Variants in LDB2 observed in about 807,000 individuals in gnomAD.
The protein encoded by LDB2 is LIM domain binding 2.
LDB2 carries 12 observed loss-of-function variants against 44.3 expected under a neutral mutation model. The ratio of observed to expected loss-of-function variants is 0.27; its 90% CI spans 0.17 to 0.44. The LOEUF (loss-of-function observed/expected upper bound fraction) is 0.44. Ranked by LOEUF, LDB2 falls within the 20% of genes least tolerant of loss-of-function variation. The pLI is 1.00. For missense variants in LDB2, 344 were observed against 473.5 expected (o/e 0.73, Z 2.54); for synonymous variants, 164 against 174.8 (o/e 0.94, Z 0.49).
chr4:16,688,354 G>T (rs1749768966), intron 2 of LDB2, among the ~76,000 whole-genome samples: 1 of 152,202 alleles, frequency 6.6e-6, no homozygotes, highest in Non-Finnish European at 1.5e-5. Flanking sequence ...CAGCCTCCCA[G>T]GCCCTCATGT....
intron 2 of LDB2, among the ~76,000 whole-genome samples, chr4:16,717,734 C>T (rs79651911): frequency 0.052 from 7,857 of 152,176 alleles, 253 homozygotes; most frequent in Admixed American, 0.078. Context: ...CTGATTGTAT[C>T]GCTTGGTATT....
chr4:16,774,426 T>C (rs921630221), intron 1 of LDB2, among the ~76,000 whole-genome samples: 7 of 152,184 alleles, frequency 4.6e-5, no homozygotes, highest in South Asian at 4.1e-4. Context: ...TATGCCCAGT[T>C]CTTATCCTTT....
chr4:16,721,983 A>G (rs1338375040), intron 2 of LDB2, among the ~76,000 whole-genome samples: 1 of 152,326 alleles, frequency 6.6e-6, no homozygotes, highest in South Asian at 2.1e-4. Context: ...TTAAAATACC[A>G]TAAACTAATT....
At chr4:16,611,238 C>T (rs146114010) in intron 2 of LDB2, among the ~76,000 whole-genome samples, 2,684 of 152,264 alleles carry the variant, frequency 0.018, 35 homozygotes, top group South Asian at 0.046. Context: ...AAAGGAAAAA[C>T]CAGTACCAGC....
At chr4:16,844,784 G>T (rs1399248413) in intron 1 of LDB2, among the ~76,000 whole-genome samples, 1 of 152,138 alleles carries the variant, frequency 6.6e-6, no homozygotes, top group Non-Finnish European at 1.5e-5. Context: ...ACATTTTGCA[G>T]AAGCCCTGAA....
intron 2 of LDB2, among the ~76,000 whole-genome samples, chr4:16,757,284 G>T (rs529176372): frequency 7.9e-5 from 12 of 152,196 alleles, no homozygotes; most frequent in Non-Finnish European, 1.5e-4. Flanking sequence ...TGTCAGCAAG[G>T]CAGCTGATGA....
chr4:16,614,063 A>G (rs1381907232), intron 2 of LDB2, among the ~76,000 whole-genome samples: 2 of 152,214 alleles, frequency 1.3e-5, no homozygotes, highest in African/African-American at 4.8e-5. Context: ...CTTGTACCAA[A>G]ACAGACATAC....
At chr4:16,521,835 G>C (rs1017617991) in intron 5 of LDB2, among the ~76,000 whole-genome samples, 4 of 152,206 alleles carry the variant, frequency 2.6e-5, no homozygotes, top group Non-Finnish European at 4.4e-5. Context: ...ATTATGAGGT[G>C]TGGGTTTTGT....
intron 1 of LDB2, among the ~76,000 whole-genome samples, chr4:16,817,030 C>A (rs555190247): frequency 6.6e-6 from 1 of 152,258 alleles, no homozygotes; most frequent in South Asian, 2.1e-4. Flanking sequence ...GCCAACAAGA[C>A]CATGAGCTCT....
At chr4:16,684,721 A>T (rs1578761190) in intron 2 of LDB2, among the ~76,000 whole-genome samples, 1 of 152,234 alleles carries the variant, frequency 6.6e-6, no homozygotes, top group African/African-American at 2.4e-5. Context: ...TAACATCGCC[A>T]CCACACATTA....
chr4:16,565,068 AGAAAT>A (rs1744009735), intron 5 of LDB2, among the ~76,000 whole-genome samples: 1 of 152,120 alleles, frequency 6.6e-6, no homozygotes, highest in East Asian at 1.9e-4. Context: ...ATTTTTTTTT[AGAAAT>A]GAAATAATGA....
At chr4:16,782,208 A>G (rs1429767331) in intron 1 of LDB2, among the ~76,000 whole-genome samples, 1 of 152,164 alleles carries the variant, frequency 6.6e-6, no homozygotes, top group East Asian at 1.9e-4. Context: ...TCAGGCCGCA[A>G]TGCTGCTTCC....
At chr4:16,746,520 A>T (rs1764419857) in intron 2 of LDB2, among the ~76,000 whole-genome samples, 1 of 152,082 alleles carries the variant, frequency 6.6e-6, no homozygotes, top group South Asian at 2.1e-4. Context: ...GGTGCAGTGG[A>T]TCATGCCTGT....
chr4:16,783,105 C>T (rs557352743), intron 1 of LDB2, among the ~76,000 whole-genome samples: 2 of 152,194 alleles, frequency 1.3e-5, no homozygotes, highest in East Asian at 3.9e-4. Flanking sequence ...ACAGCTAGTG[C>T]CAAGACCCGA....
At chr4:16,558,790 A>G (rs1184394041) in intron 5 of LDB2, among the ~76,000 whole-genome samples, 1 of 152,198 alleles carries the variant, frequency 6.6e-6, no homozygotes, top group African/African-American at 2.4e-5. Flanking sequence ...GAAGGAAAAA[A>G]TGTTAAGGGC....
At chr4:16,743,710 A>C (rs1204273743) in intron 2 of LDB2, among the ~76,000 whole-genome samples, 1 of 152,108 alleles carries the variant, frequency 6.6e-6, no homozygotes, top group Non-Finnish European at 1.5e-5. Flanking sequence ...CCAGAAAAAA[A>C]AACCCAGAAA....
chr4:16,550,963 C>G (rs1200780094), intron 5 of LDB2, among the ~76,000 whole-genome samples: 1 of 152,128 alleles, frequency 6.6e-6, no homozygotes, highest in Non-Finnish European at 1.5e-5. Context: ...GTAAATACAC[C>G]TTAAAATCAT....
At chr4:16,717,654 A>G (rs1402304963) in intron 2 of LDB2, among the ~76,000 whole-genome samples, 1 of 152,198 alleles carries the variant, frequency 6.6e-6, no homozygotes, top group African/African-American at 2.4e-5. Flanking sequence ...ATGAATCCAT[A>G]TGATAACTTT....
chr4:16,791,604 CT>C (rs1051266002), intron 1 of LDB2, among the ~76,000 whole-genome samples: 13 of 131,990 alleles, frequency 9.8e-5, no homozygotes, highest in Non-Finnish European at 1.9e-4. Flanking sequence ...GAAGCAGCTG[CT>C]TTTGATTTAC....
Sources: gnomAD v4.1 joint callset for allele counts (sites outside exome capture counted in the v4.1 genomes callset) on GRCh38, gnomAD v4.1.1 for gene constraint, MANE v1.5 for transcripts, NCBI Gene and HGNC (gene_info 2026-07-23, HGNC 2026-07-21) for gene names.